DOCK8: variants seen among roughly 807,000 people sequenced by gnomAD.
The protein encoded by DOCK8 is dedicator of cytokinesis 8.
Under a neutral mutation model 245.6 loss-of-function variants are expected in DOCK8, and 141 were observed. The ratio of observed to expected loss-of-function variants is 0.57; its 90% CI spans 0.50 to 0.66. DOCK8 has a LOEUF of 0.66. Ranked by LOEUF, DOCK8 falls within the 30% of genes least tolerant of loss-of-function variation. The pLI, the probability that DOCK8 is intolerant of heterozygous loss-of-function variation, is 0.00. For missense variants in DOCK8, 2,965 were observed against 2,603.4 expected (o/e 1.14, Z -3.02); for synonymous variants, 1,168 against 970.2 (o/e 1.20, Z -3.79).
In DOCK8 at chr9:222,486, G is replaced by T. The variant is rs537607998; in HGVS notation, c.53+7457G>T. 3.7e-4 allele frequency among the ~76,000 whole-genome samples: 57 copies of T among 152,190 alleles called. 1 individual carries two copies. Among genetic ancestry groups the T allele is most frequent in the African/African-American group, 1.3e-3 (54 of 41,524 alleles). ...ATACCTGTTTCTGCTCCTACCAGTG[G>T]CCCTACGAATGCTCCTTTCCCCACA... On this transcript the variant is annotated intron_variant, in intron 1 of 47. Transcript: ENST00000432829.
At chr9:223,157 C>A (rs1202910753) in intron 1 of DOCK8, among the ~76,000 whole-genome samples, 1 of 152,074 alleles carries the variant, frequency 6.6e-6, no homozygotes, top group Non-Finnish European at 1.5e-5. Context: ...CATCAAAGGG[C>A]AAAATTCATT....
intron 11 of DOCK8, among the ~76,000 whole-genome samples, 176 bp from the exon 12 acceptor site, chr9:336,406 C>A (rs2051313668): frequency 6.6e-6 from 1 of 152,122 alleles, no homozygotes; most frequent in Admixed American, 6.5e-5. Context: ...TTAAGGACAC[C>A]AACAGGAGGA....
upstream of DOCK8, among the ~76,000 whole-genome samples, chr9:212,110 G>A (rs1469035312): frequency 6.6e-6 from 1 of 152,200 alleles, no homozygotes; most frequent in Admixed American, 6.5e-5. Flanking sequence ...CAGTTGCAAA[G>A]AGGTATGTGT....
At chr9:267,801 T>C (rs1037713309) in intron 1 of DOCK8, among the ~76,000 whole-genome samples, 5 of 152,250 alleles carry the variant, frequency 3.3e-5, no homozygotes, top group Non-Finnish European at 7.3e-5. Context: ...TTCTTTCCAA[T>C]GTGGGATGCT....
chr9:430,108 C>G (rs544224970), intron 36 of DOCK8, among the ~76,000 whole-genome samples: 1 of 152,304 alleles, frequency 6.6e-6, no homozygotes, highest in South Asian at 2.1e-4. Context: ...GGAACGATGG[C>G]TTTCACCTAT....
Position 368,094 on chromosome 9 carries a change from A to G in DOCK8, c.1756A>G (p.Ile586Val), listed in dbSNP as rs1396069970. The G allele has an allele frequency of 5.0e-6, 8 of 1,614,080 alleles. No individual in the cohort carries two copies. The Admixed American group carries it at 1.0e-4, about 20-fold the overall frequency. ...ATCAGCCCGGAACATTACAATAAAG[A>G]TCCAGTTTATGTGTGGAGAAGATGC... ...LASARNITIK[I>V]QFMCGEDASN... Residue 586 changes from isoleucine (I) to valine (V), a missense_variant, in exon 15 of 48, where the codon ATC becomes GTC. Coordinates refer to ENST00000432829, the MANE Select transcript of DOCK8 (RefSeq NM_203447.4).
intron 14 of DOCK8, among the ~76,000 whole-genome samples, chr9:343,920 C>G (rs1172402967): frequency 6.6e-6 from 1 of 152,216 alleles, no homozygotes; most frequent in African/African-American, 2.4e-5. Flanking sequence ...TCTACTCGTT[C>G]CTGCAAACAT....
chr9:234,097 G>T (rs947918437), intron 1 of DOCK8, among the ~76,000 whole-genome samples: 19 of 152,078 alleles, frequency 1.2e-4, no homozygotes, highest in African/African-American at 4.6e-4. Context: ...GCCTGGTGGT[G>T]ACAAAATCTC....
chr9:417,224 A>G (rs1050409329), intron 29 of DOCK8, among the ~76,000 whole-genome samples: 1 of 152,222 alleles, frequency 6.6e-6, no homozygotes, highest in Non-Finnish European at 1.5e-5. Context: ...CAGAGATTGC[A>G]GTGAGCGGAG....
chr9:230,956 T>C (rs2047102372), intron 1 of DOCK8, among the ~76,000 whole-genome samples: 1 of 152,120 alleles, frequency 6.6e-6, no homozygotes, highest in Admixed American at 6.5e-5. Context: ...TTTTGGTGTT[T>C]TAGACATGAA....
Position 453,791 on chromosome 9 carries a change from G to A in DOCK8, c.6068+1674G>A, listed in dbSNP as rs867813902. On this transcript the variant is annotated intron_variant, in intron 46 of 47. Transcript: ENST00000432829. ...CGTCTAGGCTGGTCTTGAATTCCTG[G>A]GCTCAGAGATTGGGGGCTTAAAAAA... 2.6e-5 allele frequency among the ~76,000 whole-genome samples: 4 copies of A among 152,018 alleles called. No homozygotes were observed. In the Middle Eastern group the frequency reaches 0.01, roughly 390 times the overall value.
At chr9:272,980 A>T in intron 2 of DOCK8, 1 of 949,002 alleles carries the variant, frequency 1.1e-6, no homozygotes, top group Non-Finnish European at 1.3e-6. Flanking sequence ...TTTTGTTTCT[A>T]CTTATTACTT....
At chr9:426,838 G>A (rs575441915) in intron 33 of DOCK8, 47 bp from the exon 34 acceptor site, 31 of 1,512,684 alleles carry the variant, frequency 2.0e-5, no homozygotes, top group Admixed American at 3.3e-5. Context: ...ATGGGAACCT[G>A]GCCAGGTTTG....
At chr9:412,182 C>T (rs10974288) in intron 28 of DOCK8, among the ~76,000 whole-genome samples, 8 of 152,014 alleles carry the variant, frequency 5.3e-5, no homozygotes, top group African/African-American at 1.7e-4. Flanking sequence ...GTGGACAGAT[C>T]GCTTTGAGCC....
chr9:328,941 CTTTTTTTTTTT>C (rs1165346763), intron 9 of DOCK8, among the ~76,000 whole-genome samples: 112 of 71,400 alleles, frequency 1.6e-3, no homozygotes, highest in Non-Finnish European at 2.5e-3. Flanking sequence ...CTTATTGATT[CTTTTTTTTTTT>C]TTTTTTTTTT....
At chr9:251,059 G>C (rs1213361251) in intron 1 of DOCK8, among the ~76,000 whole-genome samples, 1 of 152,166 alleles carries the variant, frequency 6.6e-6, no homozygotes, top group Non-Finnish European at 1.5e-5. Flanking sequence ...GACAGACAGG[G>C]ATTGTCCAGG....
In DOCK8 at chr9:312,084, A is replaced by C; in HGVS notation, c.659A>C (p.Glu220Ala). 1 of 1,614,204 alleles carries C rather than the reference A, an allele frequency of 6.2e-7. No homozygotes were observed. The change falls in exon 6 of 48, where the codon GAG becomes GCG. Residue 220 changes from glutamate (E) to alanine (A), a missense_variant. Around this residue, in one of 3 missense-constraint regions of DOCK8, gnomAD observed 2,825 missense variants for 2,453.5 expected, o/e 1.15. Transcript: ENST00000432829. ...LENLLQQVSAEDFEKQNEEAR... is the reference protein window; with the variant it reads ...LENLLQQVSAADFEKQNEEAR... Reference sequence around the variant, plus strand: ...AACCTCCTGCAGCAAGTGAGTGCCGAGGACTTTGAGAAGCAGAACGAGGAG... The same window carrying C: ...AACCTCCTGCAGCAAGTGAGTGCCGCGGACTTTGAGAAGCAGAACGAGGAG...
At chr9:440,480 A>C in intron 40 of DOCK8, among the ~76,000 whole-genome samples, 1 of 152,122 alleles carries the variant, frequency 6.6e-6, no homozygotes, top group Admixed American at 6.5e-5. Context: ...AATTTTATTT[A>C]TTTTAATTAT....
chr9:214,718 C>T (rs1284472059), upstream of DOCK8: 1 of 1,538,300 alleles, frequency 6.5e-7, no homozygotes. Context: ...GAGGCCAGTT[C>T]CGCGCTGGGC....
Sources: gnomAD v4.1 joint callset for allele counts (sites outside exome capture counted in the v4.1 genomes callset) on GRCh38, gnomAD v4.1.1 for gene constraint, gnomAD v4.1.1 regional missense constraint, MANE v1.5 for transcripts, NCBI Gene and HGNC (gene_info 2026-07-23, HGNC 2026-07-21) for gene names.